Variants in KCNG2 observed in about 807,000 individuals in gnomAD.
KCNG2 encodes voltage-gated potassium channel regulatory subunit KCNG2.
Under a neutral mutation model 12.3 loss-of-function variants are expected in KCNG2, and 7 were observed. That is an observed-to-expected ratio of 0.57 (90% CI 0.32 to 1.07). The LOEUF (loss-of-function observed/expected upper bound fraction) is 1.07, where lower values mean the gene tolerates loss of function less well. Ranked by LOEUF, KCNG2 falls within the 50% of genes least tolerant of loss-of-function variation. The probability of loss-of-function intolerance (pLI) is 0.04; values close to 1 mark genes in which losing one functional copy is unlikely to be tolerated. For missense variants in KCNG2, 703 were observed against 726.0 expected (o/e 0.97, Z 0.36); for synonymous variants, 414 against 351.4 (o/e 1.18, Z -1.99).
At chr18:79,895,143 T>C (rs560661223) in intron 3 of KCNG2, among the ~76,000 whole-genome samples, 4 of 152,280 alleles carry the variant, frequency 2.6e-5, no homozygotes, top group African/African-American at 9.6e-5. Flanking sequence ...AATGGTACAA[T>C]TGATATAGTT....
chr18:79,850,205 A>C (rs547092810), intron 1 of KCNG2, among the ~76,000 whole-genome samples: 7 of 152,286 alleles, frequency 4.6e-5, no homozygotes, highest in Non-Finnish European at 8.8e-5. Context: ...TATATAAATA[A>C]ATATCAACTT....
intron 3 of KCNG2, among the ~76,000 whole-genome samples, chr18:79,866,451 A>T (rs1979555300): frequency 1.0e-5 from 1 of 100,350 alleles, no homozygotes; most frequent in African/African-American, 4.0e-5. Flanking sequence ...CTGGGTGCTG[A>T]GAGTGTGGGT....
Position 79,890,460 on chromosome 18 carries a change from C to G in KCNG2, c.625-8580C>G, listed in dbSNP as rs868183085. On this transcript the variant is annotated intron_variant, in intron 3 of 3. Coordinates refer to ENST00000316249, the MANE Select transcript of KCNG2 (RefSeq NM_012283.2). ...CAGCACCCGACAGCACGTTTCCAGC[C>G]TTTGCCCCTTCCCCCTCCCCACTGG... 2.0e-5 allele frequency among the ~76,000 whole-genome samples: 3 copies of G among 152,180 alleles called. No homozygotes were observed. In the South Asian group the frequency reaches 6.2e-4, roughly 31 times the overall value.
chr18:79,809,510 GGA>G (rs1174244115), intron 1 of KCNG2, among the ~76,000 whole-genome samples: 2 of 96,538 alleles, frequency 2.1e-5, no homozygotes, highest in African/African-American at 8.0e-5. Context: ...CGCGCTCTGA[GGA>G]GCTGCCGGGG....
chr18:79,851,753 ATGTG>A (rs1486422536), intron 1 of KCNG2, among the ~76,000 whole-genome samples: 1 of 30,128 alleles, frequency 3.3e-5, no homozygotes, highest in Non-Finnish European at 2.2e-4. Flanking sequence ...GTGTGAATGT[ATGTG>A]TGTGTGTGAC....
At chr18:79,896,739 C>CT (rs1398720030) in intron 3 of KCNG2, among the ~76,000 whole-genome samples, 1 of 152,164 alleles carries the variant, frequency 6.6e-6, no homozygotes, top group East Asian at 1.9e-4. Context: ...GAAGAACTTT[C>CT]TTTAGTATTT....
At chr18:79,898,570 G>C (rs1237270866) in intron 3 of KCNG2, among the ~76,000 whole-genome samples, 1 of 152,348 alleles carries the variant, frequency 6.6e-6, no homozygotes, top group East Asian at 1.9e-4. Flanking sequence ...GCTGTGGGTG[G>C]GGTGGAGGTG....
At chr18:79,815,049 T>C (rs1331763481) in intron 1 of KCNG2, among the ~76,000 whole-genome samples, 3 of 152,152 alleles carry the variant, frequency 2.0e-5, no homozygotes, top group Non-Finnish European at 4.4e-5. Flanking sequence ...ATTCATGAAC[T>C]AGCATGGAAC....
At chr18:79,874,498 T>C (rs1396179496) in intron 3 of KCNG2, among the ~76,000 whole-genome samples, 1 of 152,188 alleles carries the variant, frequency 6.6e-6, no homozygotes, top group Non-Finnish European at 1.5e-5. Flanking sequence ...CAAAATAATC[T>C]TTAAAATCTA....
In KCNG2 at chr18:79,856,378, G is replaced by T. The variant is rs1037774700; in HGVS notation, c.-114-1G>T. 6.6e-6 allele frequency among the ~76,000 whole-genome samples: 1 copy of T among 152,216 alleles called. No homozygotes were observed. Among genetic ancestry groups the T allele is most frequent in the African/African-American group, 2.4e-5 (1 of 41,450 alleles). On this transcript the variant is annotated splice_acceptor_variant, in intron 1 of 3. Coordinates refer to ENST00000316249, the MANE Select transcript of KCNG2 (RefSeq NM_012283.2). LOFTEE classifies it low-confidence loss of function (5UTR_SPLICE). Reference sequence around the variant, plus strand: ...GGTGAAACTGGATGTTCATTTTCCAGGTCGAAGCCGCTGGTCTCAGCTGTG... The same window carrying T: ...GGTGAAACTGGATGTTCATTTTCCATGTCGAAGCCGCTGGTCTCAGCTGTG...
chr18:79,812,273 C>T (rs916049398), intron 1 of KCNG2, among the ~76,000 whole-genome samples: 2 of 151,986 alleles, frequency 1.3e-5, no homozygotes, highest in Admixed American at 6.6e-5. Context: ...GAGATACGGT[C>T]GGAACAGTTC....
intron 3 of KCNG2, among the ~76,000 whole-genome samples, chr18:79,865,919 GA>G (rs1319320121): frequency 2.3e-5 from 3 of 129,096 alleles, no homozygotes; most frequent in Non-Finnish European, 3.6e-5. Flanking sequence ...TGTGTGCTGA[GA>G]GATCTGGGTG....
At chr18:79,837,279 A>G (rs1431610037) in intron 1 of KCNG2, among the ~76,000 whole-genome samples, 3 of 152,222 alleles carry the variant, frequency 2.0e-5, no homozygotes, top group Non-Finnish European at 4.4e-5. Flanking sequence ...GTGGGCTCCC[A>G]TGGCCTTGGG....
chr18:79,881,540 C>T (rs1220420933), intron 3 of KCNG2, among the ~76,000 whole-genome samples: 1 of 152,220 alleles, frequency 6.6e-6, no homozygotes, highest in Admixed American at 6.5e-5. Context: ...GCAAGTCTCA[C>T]AGCCTAGGTC....
intron 2 of KCNG2, 98 bp from the exon 3 acceptor site, chr18:79,863,530 C>T: frequency 1.0e-6 from 1 of 991,778 alleles, no homozygotes; most frequent in Non-Finnish European, 1.3e-6. Flanking sequence ...AGCTCACCTC[C>T]GAGGGTTCGG....
intron 1 of KCNG2, among the ~76,000 whole-genome samples, chr18:79,847,410 G>A (rs796945439): frequency 2.0e-5 from 3 of 152,210 alleles, no homozygotes; most frequent in East Asian, 1.9e-4. Context: ...CAGGTGCCCC[G>A]TGGGAACTGA....
chr18:79,851,740 C>CCTGT (rs1404066923), intron 1 of KCNG2, among the ~76,000 whole-genome samples: 2 of 131,658 alleles, frequency 1.5e-5, no homozygotes, highest in African/African-American at 2.7e-5. Flanking sequence ...AATGTGTATG[C>CCTGT]CTGTGTGAAT....
chr18:79,850,847 A>C lies in KCNG2; in HGVS notation c.-114-5532A>C, dbSNP rs562354890. ...CATGGCCCAGTAAGAACTCAAACGC[A>C]CGTTGCTTTTGTACCCACGAGGGCA... On this transcript the variant is annotated intron_variant, in intron 1 of 3. Coordinates refer to ENST00000316249, the MANE Select transcript of KCNG2 (RefSeq NM_012283.2). 2.6e-5 allele frequency among the ~76,000 whole-genome samples: 4 copies of C among 152,238 alleles called. No individual in the cohort carries two copies. The South Asian group carries it at 8.3e-4, about 32-fold the overall frequency.
intron 1 of KCNG2, among the ~76,000 whole-genome samples, chr18:79,834,771 C>A (rs1313791559): frequency 2.0e-5 from 3 of 152,214 alleles, no homozygotes; most frequent in African/African-American, 7.2e-5. Context: ...AACAGACTTC[C>A]TTGTCAGGAG....
Sources: gnomAD v4.1 joint callset for allele counts (sites outside exome capture counted in the v4.1 genomes callset) on GRCh38, gnomAD v4.1.1 for gene constraint, MANE v1.5 for transcripts, NCBI Gene and HGNC (gene_info 2026-07-23, HGNC 2026-07-21) for gene names.